MYO9A: variants seen among roughly 807,000 people sequenced by gnomAD.
The protein encoded by MYO9A is myosin IXA.
Under a neutral mutation model 293.3 loss-of-function variants are expected in MYO9A, and 103 were observed. That is an observed-to-expected ratio of 0.35 (90% CI 0.30 to 0.41). MYO9A has a LOEUF of 0.41. Among genes scored for constraint, MYO9A ranks in the 10% least tolerant of loss-of-function variants. MYO9A has a pLI of 1.00. For missense variants in MYO9A, 2,685 were observed against 3,033.0 expected (o/e 0.89, Z 2.69); for synonymous variants, 1,001 against 1,035.7 (o/e 0.97, Z 0.64).
intron 1 of MYO9A, among the ~76,000 whole-genome samples, chr15:72,091,785 C>T (rs1476855065): frequency 6.6e-6 from 1 of 150,876 alleles, no homozygotes; most frequent in East Asian, 1.9e-4. Flanking sequence ...GCGATCTCGG[C>T]TCACTGCAAG....
In MYO9A at chr15:72,030,716, C is replaced by CT. The variant is rs543915163; in HGVS notation, c.935+1777dup. Among the ~76,000 whole-genome samples the CT allele has an allele frequency of 4.4e-3, 676 of 152,052 alleles. 4 individuals are homozygous for CT. The highest frequency in any genetic ancestry group is 0.016 in the African/African-American group (655 of 41,492). ...TTTTTGTATTTTTAGTAGAGATGGG[C>CT]TTTTACCATGTTGGCCAGGTGAGTC... On this transcript the variant is annotated intron_variant, in intron 3 of 41. Coordinates refer to ENST00000356056, the MANE Select transcript of MYO9A (RefSeq NM_006901.4).
In MYO9A at chr15:71,906,758, C is replaced by CTTTCTTTCTTTTTTTTTTTTTTTT. The variant is rs765264146; in HGVS notation, c.2686-1753_2686-1752insAAAAAAAAAAAAAAAAGAAAGAAA. ...CCAATCAGATAATATCCATTTCTTT[C>CTTTCTTTCTTTTTTTTTTTTTTTT]TTTTTTTTTTTTTTTTTTTTCCTGA... On this transcript the variant is annotated intron_variant, in intron 19 of 41. Coordinates refer to ENST00000356056, the MANE Select transcript of MYO9A (RefSeq NM_006901.4). 2.3e-4 allele frequency among the ~76,000 whole-genome samples: 14 copies of CTTTCTTTCTTTTTTTTTTTTTTTT among 61,032 alleles called. 1 individual carries two copies. The highest frequency in any genetic ancestry group is 7.0e-4 in the African/African-American group (11 of 15,724). The allele number at this position is 61,032 out of a possible 152,430, so 40.0% of individuals were successfully genotyped here. A position where few individuals can be genotyped will look rare whatever the true frequency, so the allele number is the denominator to read the frequency against.
rs111512348 is a variant in MYO9A at position 71,978,073 on chromosome 15, T to A, written c.1844+98A>T. 3 of 1,318,452 alleles carry A rather than the reference T, an allele frequency of 2.3e-6. No individual in the cohort carries two copies. The South Asian group carries it at 3.9e-5, about 17-fold the overall frequency. The allele number at this position is 1,318,452 out of a possible 1,614,324, so 81.7% of individuals were successfully genotyped here. A position where few individuals can be genotyped will look rare whatever the true frequency, so the allele number is the denominator to read the frequency against. ...AAAAAATAAATTGTACAAAAAAAAT[T>A]TGGCTCTTTATTTGGTAATGTAAGA... On this transcript the variant is annotated intron_variant, in intron 12 of 41. Transcript: ENST00000356056.
chr15:72,006,458 C>T (rs141733045), intron 8 of MYO9A, among the ~76,000 whole-genome samples: 2,046 of 152,196 alleles, frequency 0.013, 29 homozygotes, highest in African/African-American at 0.023. Context: ...CTACATATTG[C>T]ATGATTCAAT....
chr15:71,858,277 G>A (rs1224513225), intron 34 of MYO9A, among the ~76,000 whole-genome samples: 1 of 152,070 alleles, frequency 6.6e-6, no homozygotes, highest in African/African-American at 2.4e-5. Context: ...AAAGGATTAT[G>A]AATCATGCTG....
intron 2 of MYO9A, among the ~76,000 whole-genome samples, chr15:72,043,253 T>C (rs937471983): frequency 6.6e-6 from 1 of 152,278 alleles, no homozygotes; most frequent in East Asian, 1.9e-4. Context: ...TTACCAAAGA[T>C]GTAAAAGACC....
chr15:72,069,690 C>T (rs1251957877), intron 1 of MYO9A, among the ~76,000 whole-genome samples: 1 of 151,990 alleles, frequency 6.6e-6, no homozygotes, highest in Non-Finnish European at 1.5e-5. Context: ...AATATAGGAG[C>T]AAAGTAAACA....
chr15:71,962,726 G>A (rs1464990828), intron 13 of MYO9A, among the ~76,000 whole-genome samples: 1 of 152,126 alleles, frequency 6.6e-6, no homozygotes, highest in African/African-American at 2.4e-5. Flanking sequence ...CTTGCCAAAG[G>A]TCAAAGAGAC....
At chr15:71,974,492 T>A (rs1673899432) in intron 12 of MYO9A, among the ~76,000 whole-genome samples, 1 of 152,210 alleles carries the variant, frequency 6.6e-6, no homozygotes, top group Non-Finnish European at 1.5e-5. Flanking sequence ...ATAACAACTA[T>A]AATTTTTTTC....
intron 3 of MYO9A, among the ~76,000 whole-genome samples, chr15:72,031,274 C>A (rs1034085591): frequency 2.0e-5 from 3 of 151,972 alleles, no homozygotes; most frequent in African/African-American, 7.3e-5. Context: ...GTGGCTCATG[C>A]CTGAAATCCA....
intron 13 of MYO9A, among the ~76,000 whole-genome samples, chr15:71,961,338 T>C (rs1353451354): frequency 6.6e-6 from 1 of 152,272 alleles, no homozygotes; most frequent in South Asian, 2.1e-4. Flanking sequence ...TGCCATATAC[T>C]GATAAGGAGA....
intron 22 of MYO9A, among the ~76,000 whole-genome samples, chr15:71,902,704 G>A (rs1296710362): frequency 2.0e-5 from 3 of 152,154 alleles, no homozygotes; most frequent in Non-Finnish European, 2.9e-5. Context: ...GGAGATTACA[G>A]TAGAGTATCT....
intron 1 of MYO9A, among the ~76,000 whole-genome samples, chr15:72,054,444 G>A (rs555668771): frequency 3.9e-5 from 6 of 152,180 alleles, no homozygotes; most frequent in East Asian, 3.9e-4. Flanking sequence ...GGGCCGAGGC[G>A]GGCGAATCAC....
chr15:72,005,869 G>T (rs141149030), intron 8 of MYO9A, among the ~76,000 whole-genome samples: 1,784 of 152,250 alleles, frequency 0.012, 57 homozygotes, highest in Admixed American at 0.058. Flanking sequence ...ACCACTTAAG[G>T]TTAAACCACA....
chr15:71,957,740 C>G (rs1201145525), intron 14 of MYO9A, among the ~76,000 whole-genome samples: 2 of 152,162 alleles, frequency 1.3e-5, no homozygotes, highest in Non-Finnish European at 2.9e-5. Context: ...GCTCTCTCAT[C>G]TGCAGACACT....
chr15:71,918,161 C>T (rs2058062356), intron 18 of MYO9A, among the ~76,000 whole-genome samples: 1 of 151,910 alleles, frequency 6.6e-6, no homozygotes, highest in South Asian at 2.1e-4. Context: ...ATCAGATTGG[C>T]CAATACAATA....
At chr15:72,078,350 G>A (rs995422258) in intron 1 of MYO9A, among the ~76,000 whole-genome samples, 1 of 149,416 alleles carries the variant, frequency 6.7e-6, no homozygotes, top group African/African-American at 2.5e-5. Flanking sequence ...AAATTAGCCA[G>A]GCATGGTGGT....
intron 11 of MYO9A, among the ~76,000 whole-genome samples, chr15:71,980,776 T>G (rs1041434858): frequency 6.6e-6 from 1 of 152,200 alleles, no homozygotes; most frequent in African/African-American, 2.4e-5. Context: ...AGATCAAGTC[T>G]GCAGTGAGCT....
intron 1 of MYO9A, among the ~76,000 whole-genome samples, chr15:72,085,286 G>A (rs935396502): frequency 3.6e-4 from 54 of 152,090 alleles, no homozygotes; most frequent in African/African-American, 1.2e-3. Flanking sequence ...CCCGCTTTTC[G>A]GGAAGCTGAG....
Sources: gnomAD v4.1 joint callset for allele counts (sites outside exome capture counted in the v4.1 genomes callset) on GRCh38, gnomAD v4.1.1 for gene constraint, MANE v1.5 for transcripts, NCBI Gene and HGNC (gene_info 2026-07-23, HGNC 2026-07-21) for gene names.